SOX6: variants seen among roughly 807,000 people sequenced by gnomAD.
SOX6 encodes the protein SRY-box transcription factor 6.
A neutral mutation model predicts 97.8 loss-of-function variants in SOX6; 11 were observed. That is an observed-to-expected ratio of 0.11 (90% CI 0.07 to 0.19). SOX6 has a LOEUF of 0.19. SOX6 is among the 10% of genes least tolerant of loss of function. The pLI is 1.00. For synonymous variants in SOX6, 360 were observed against 371.4 expected (o/e 0.97, Z 0.35); for missense variants, 810 against 1,039.5 (o/e 0.78, Z 3.04).
rs780863362 is a variant in SOX6, at chr11:15,973,157, A to G, written c.2184-45T>C. The G allele has an allele frequency of 1.6e-5, 26 of 1,589,592 alleles. No homozygotes were observed. The African/African-American group carries it at 2.6e-4, about 16-fold the overall frequency. ...AAAATCAGACAAGGGAGAAATATCT[A>G]TATATGTGCTATGTACAGCATTGGA... On this transcript the variant is annotated intron_variant, in intron 15 of 15. Transcript: ENST00000683767.
chr11:16,060,803 T>G (rs1303513153), intron 9 of SOX6, among the ~76,000 whole-genome samples: 3 of 151,866 alleles, frequency 2.0e-5, no homozygotes, highest in African/African-American at 7.2e-5. Flanking sequence ...TGATCTGCAC[T>G]TTTCTTGTGG....
chr11:15,982,088 G>A (rs12289568), intron 15 of SOX6, among the ~76,000 whole-genome samples: 62 of 151,902 alleles, frequency 4.1e-4, no homozygotes, highest in African/African-American at 1.4e-3. Context: ...TAGTATTTGA[G>A]CCAGACTAGT....
intron 15 of SOX6, among the ~76,000 whole-genome samples, chr11:15,976,644 C>G (rs572240529): frequency 6.6e-6 from 1 of 152,232 alleles, no homozygotes; most frequent in African/African-American, 2.4e-5. Context: ...GTTCACAAGC[C>G]TGGCCAGGAG....
At chr11:16,166,991 C>G (rs148411919) in intron 6 of SOX6, among the ~76,000 whole-genome samples, 4 of 152,290 alleles carry the variant, frequency 2.6e-5, no homozygotes, top group African/African-American at 9.6e-5. Context: ...TTGAAAACTA[C>G]GCATACATTG....
chr11:16,399,836 T>G (rs961150260), intron 1 of SOX6, among the ~76,000 whole-genome samples: 4 of 151,406 alleles, frequency 2.6e-5, no homozygotes, highest in African/African-American at 9.7e-5. Context: ...TTTGACTTTA[T>G]CCAACATTGC....
At chr11:16,660,821 G>A (rs777854966) in intron 3 of SOX6, among the ~76,000 whole-genome samples, 2 of 152,292 alleles carry the variant, frequency 1.3e-5, no homozygotes, top group Non-Finnish European at 2.9e-5. Context: ...CTCAACAGAT[G>A]CCAAATATGC....
Position 16,427,930 on chromosome 11 carries a change from G to C in SOX6, c.-5+48385C>G, listed in dbSNP as rs866636376. ...ACTGACTTCCACAATGGTTGAACTA[G>C]TTTACAGTCCCACCAACAGTGTAAA... On this transcript the variant is annotated intron_variant, in intron 1 of 15. Transcript: ENST00000396356. Among the ~76,000 whole-genome samples the C allele has an allele frequency of 7.2e-5, 11 of 152,042 alleles. No individual in the cohort carries two copies. The South Asian group carries it at 2.1e-3, about 29-fold the overall frequency.
At chr11:16,358,710 G>C (rs1013233569), upstream of SOX6, among the ~76,000 whole-genome samples, 2 of 152,106 alleles carry the variant, frequency 1.3e-5, no homozygotes, top group Admixed American at 1.3e-4. Context: ...GAAGGAAACA[G>C]AATCATGGTT....
intron 4 of SOX6, among the ~76,000 whole-genome samples, chr11:16,546,110 A>C (rs576199422): frequency 6.9e-6 from 1 of 145,006 alleles, no homozygotes; most frequent in African/African-American, 2.5e-5. Flanking sequence ...AAAAGCAACA[A>C]CAAAAAAAAA....
chr11:16,506,715 G>T (rs1860793521), intron 4 of SOX6, among the ~76,000 whole-genome samples: 1 of 152,144 alleles, frequency 6.6e-6, no homozygotes, highest in South Asian at 2.1e-4. Flanking sequence ...CATGGGGATG[G>T]ATTTCCCCCT....
At chr11:16,522,670 A>G (rs1861087650) in intron 4 of SOX6, among the ~76,000 whole-genome samples, 1 of 152,224 alleles carries the variant, frequency 6.6e-6, no homozygotes, top group African/African-American at 2.4e-5. Flanking sequence ...GCTCCAATTA[A>G]AAGACACAGA....
intron 4 of SOX6, among the ~76,000 whole-genome samples, chr11:16,548,864 G>C (rs1178666066): frequency 6.6e-6 from 1 of 151,910 alleles, no homozygotes; most frequent in African/African-American, 2.4e-5. Flanking sequence ...AATTTATTTT[G>C]TATGTGAGGT....
chr11:16,619,130 C>T lies in SOX6; in HGVS notation n.430-6870G>A, dbSNP rs115491365. Among the ~76,000 whole-genome samples, 473 of 151,762 alleles carry T rather than the reference C, an allele frequency of 3.1e-3. 4 individuals carry two copies. The highest frequency in any genetic ancestry group is 0.011 in the African/African-American group (445 of 41,412). ...AAAATATAATGATAAAACTGAAAATCGTGTGACTTTACCAGACAATAACAC... is the reference window on the plus strand; with the variant it reads ...AAAATATAATGATAAAACTGAAAATTGTGTGACTTTACCAGACAATAACAC... On this transcript the variant is annotated intron_variant and non_coding_transcript_variant, in intron 3 of 5. Transcript: ENST00000524520.
intron 3 of SOX6, among the ~76,000 whole-genome samples, chr11:16,617,706 A>G: frequency 6.6e-6 from 1 of 151,896 alleles, no homozygotes; most frequent in Admixed American, 6.6e-5. Context: ...ATAGAGTACG[A>G]GCCTTTTAAA....
intron 4 of SOX6, among the ~76,000 whole-genome samples, chr11:16,222,672 T>G (rs964577519): frequency 2.0e-5 from 3 of 152,136 alleles, no homozygotes; most frequent in South Asian, 2.1e-4. Flanking sequence ...TGTCAAAAAT[T>G]TGAGCACTTC....
chr11:16,370,811 G>C (rs981818116), intron 1 of SOX6, among the ~76,000 whole-genome samples: 1 of 151,798 alleles, frequency 6.6e-6, no homozygotes, highest in African/African-American at 2.4e-5. Context: ...AGAAAGCCCC[G>C]TGAGTTCTTC....
chr11:16,061,515 T>A (rs1278967221), intron 9 of SOX6, among the ~76,000 whole-genome samples: 1 of 151,656 alleles, frequency 6.6e-6, no homozygotes, highest in African/African-American at 2.4e-5. Context: ...AATACCAATG[T>A]CATTTTTAAT....
At chr11:16,444,313 A>C (rs948914243) in intron 1 of SOX6, among the ~76,000 whole-genome samples, 1 of 152,128 alleles carries the variant, frequency 6.6e-6, no homozygotes, top group African/African-American at 2.4e-5. Flanking sequence ...CTTTTCTGAG[A>C]TAGCATGGAA....
chr11:16,034,293 C>G (rs1292802264), intron 12 of SOX6, among the ~76,000 whole-genome samples: 1 of 152,028 alleles, frequency 6.6e-6, no homozygotes, highest in Non-Finnish European at 1.5e-5. Context: ...TACAAGACAC[C>G]CTTTGTGTTA....
Sources: gnomAD v4.1 joint callset for allele counts (sites outside exome capture counted in the v4.1 genomes callset) on GRCh38, gnomAD v4.1.1 for gene constraint, MANE v1.5 for transcripts, NCBI Gene and HGNC (gene_info 2026-07-23, HGNC 2026-07-21) for gene names.